CENPE: variants seen among roughly 807,000 people sequenced by gnomAD.
CENPE encodes the protein centromere protein E.
In CENPE, 145 loss-of-function variants were observed where a neutral mutation model predicts 336.1. The observed-to-expected ratio is 0.43, with a 90% CI of 0.38 to 0.50. The LOEUF (loss-of-function observed/expected upper bound fraction) is 0.50. Among genes scored for constraint, CENPE ranks in the 20% least tolerant of loss-of-function variants. The pLI, the probability that CENPE is intolerant of heterozygous loss-of-function variation, is 0.00. For missense variants in CENPE, 2,719 were observed against 3,023.3 expected (o/e 0.90, Z 2.36); for synonymous variants, 1,013 against 984.8 (o/e 1.03, Z -0.54).
At chr4:103,127,426 C>T (rs76551829) in intron 42 of CENPE, among the ~76,000 whole-genome samples, 1,605 of 152,076 alleles carry the variant, frequency 0.011, 33 homozygotes, top group African/African-American at 0.037. Context: ...TGTCAGTAGA[C>T]TGGTCTTGCA....
At chr4:103,193,383 G>A (rs1218288703) in intron 8 of CENPE, among the ~76,000 whole-genome samples, 1 of 151,990 alleles carries the variant, frequency 6.6e-6, no homozygotes, top group African/African-American at 2.4e-5. Context: ...TGAATATTAA[G>A]TAATTAATAA....
Position 103,144,499 on chromosome 4 carries a change from G to A in CENPE, c.4977C>T (p.Asn1659=). ...LKEQFETQKL[N]LENIETENIR... ...TATTCTCCGTTTCTATGTTTTCCAG[G>A]TTTAACTTCTGGGTCTCAAATTGCT... The change falls in exon 33 of 49, where the codon AAC becomes AAT. Residue 1659 remains asparagine (N), a synonymous_variant. Coordinates refer to ENST00000265148, the MANE Select transcript of CENPE (RefSeq NM_001813.3). 8.1e-6 allele frequency: 13 copies of A among 1,613,930 alleles called. No homozygotes were observed. The highest frequency in any genetic ancestry group is 1.1e-5 in the Non-Finnish European group (13 of 1,179,992).
chr4:103,132,634 G>A (rs1184669513), intron 42 of CENPE, 59 bp downstream of exon 42: 2 of 810,932 alleles, frequency 2.5e-6, no homozygotes, highest in Non-Finnish European at 3.9e-6. Flanking sequence ...TTAAGAATGA[G>A]GTAGGACAAT....
Position 103,138,425 on chromosome 4 carries a change from G to A in CENPE, c.6229C>T (p.Pro2077Ser), listed in dbSNP as rs368889294. 1 of 1,613,400 alleles carries A rather than the reference G, an allele frequency of 6.2e-7. No homozygotes were observed. The highest frequency in any genetic ancestry group is 8.5e-7 in the Non-Finnish European group (1 of 1,179,506). ...ARDRQNHQVK[P>S]EKRLLSDGQQ... ...CCATCACTTAGTAACCTTTTTTCAG[G>A]TTTTACTTGGTGGTTCTGTCGGTCC... The change falls in exon 39 of 49, where the codon CCT (proline) becomes TCT (serine). Residue 2077 changes from proline (P) to serine (S), a missense_variant. Physicochemically the swap from Pro to Ser is moderately conservative, Grantham distance 74. Around this residue, in one of 5 missense-constraint regions of CENPE, gnomAD observed 2,437 missense variants for 2,513.3 expected, o/e 0.97. Coordinates refer to ENST00000265148, the MANE Select transcript of CENPE (RefSeq NM_001813.3).
In CENPE at chr4:103,161,476, G is replaced by C; in HGVS notation, c.1843-19C>G. The stretch of plus-strand genomic sequence containing the variant: ...TGCTTTCCTAGACAGATGACAAAAG[G>C]GGTTCACTGAAATCTAATTTTCACA... On this transcript the variant is annotated intron_variant, in intron 18 of 48. Transcript: ENST00000265148. 1 of 1,539,370 alleles carries C rather than the reference G, an allele frequency of 6.5e-7. No individual in the cohort carries two copies. The highest frequency in any genetic ancestry group is 8.7e-7 in the Non-Finnish European group (1 of 1,149,170).
chr4:103,196,926 C>G, intron 1 of CENPE, 76 bp from the exon 2 acceptor site: 1 of 725,606 alleles, frequency 1.4e-6, no homozygotes, highest in Non-Finnish European at 2.4e-6. Flanking sequence ...AAAGATTTCA[C>G]CTGCTAAAGA....
At chr4:103,188,622 C>T (rs571940127) in intron 8 of CENPE, among the ~76,000 whole-genome samples, 1 of 152,258 alleles carries the variant, frequency 6.6e-6, no homozygotes, top group Admixed American at 6.5e-5. Flanking sequence ...ATACCAGAAT[C>T]TCTGGGACAC....
intron 41 of CENPE, 70 bp from the exon 42 acceptor site, chr4:103,132,966 A>ATATATATATATATTT: frequency 5.3e-6 from 1 of 188,778 alleles, no homozygotes; most frequent in Non-Finnish European, 1.0e-5. Flanking sequence ...TTATTTATAT[A>ATATATATATATATTT]TATATATATA....
Position 103,142,763 on chromosome 4 carries a change from A to G in CENPE, c.5304+485T>C, listed in dbSNP as rs910753115. On this transcript the variant is annotated intron_variant, in intron 34 of 48. Coordinates refer to ENST00000265148, the MANE Select transcript of CENPE (RefSeq NM_001813.3). ...GGCGGCTCATGCCTGTAATCCCAGCACTTTGGGAGGCCGAGGCGGGTGGAT... is the reference window on the plus strand; with the variant it reads ...GGCGGCTCATGCCTGTAATCCCAGCGCTTTGGGAGGCCGAGGCGGGTGGAT... 4.6e-5 allele frequency among the ~76,000 whole-genome samples: 7 copies of G among 152,268 alleles called. No individual in the cohort carries two copies. The South Asian group carries it at 1.5e-3, about 32-fold the overall frequency.
chr4:103,196,970 AG>A, intron 1 of CENPE, 120 bp from the exon 2 acceptor site: 1 of 656,946 alleles, frequency 1.5e-6, no homozygotes, highest in East Asian at 2.8e-5. Flanking sequence ...AGAGAATGAC[AG>A]AAAGTCCATC....
chr4:103,148,514 G>A (rs1273011058), intron 28 of CENPE, among the ~76,000 whole-genome samples: 1 of 152,184 alleles, frequency 6.6e-6, no homozygotes, highest in African/African-American at 2.4e-5. Flanking sequence ...GCATGGAGTA[G>A]GCTTTTAATA....
chr4:103,180,495 TTAA>T, intron 12 of CENPE, 26 bp from the exon 13 acceptor site: 2 of 1,530,692 alleles, frequency 1.3e-6, no homozygotes, highest in South Asian at 1.3e-5. Flanking sequence ...TTGGATTATG[TTAA>T]TAATAAATGT....
At chr4:103,119,242 C>T (rs540653776) in intron 44 of CENPE, among the ~76,000 whole-genome samples, 1 of 152,216 alleles carries the variant, frequency 6.6e-6, no homozygotes, top group South Asian at 2.1e-4. Context: ...TCTCCTTCAA[C>T]TAGAATGTAA....
At chr4:103,164,963 G>C (rs924750363) in intron 16 of CENPE, among the ~76,000 whole-genome samples, 4 of 151,906 alleles carry the variant, frequency 2.6e-5, no homozygotes, top group Admixed American at 2.0e-4. Flanking sequence ...GTGCATTCAG[G>C]GTAGTATGGC....
intron 47 of CENPE, among the ~76,000 whole-genome samples, chr4:103,109,469 C>T (rs1749198741): frequency 6.6e-6 from 1 of 152,072 alleles, no homozygotes; most frequent in Non-Finnish European, 1.5e-5. Flanking sequence ...TTTGATGTAC[C>T]TTTCTTACTG....
At chr4:103,195,847 A>C (rs1288816075) in intron 4 of CENPE, 73 bp downstream of exon 4, 1 of 875,142 alleles carries the variant, frequency 1.1e-6, no homozygotes, top group African/African-American at 1.7e-5. Context: ...TTACAAGAGA[A>C]ATACACTAAG....
chr4:103,128,387 G>A (rs1285699743), intron 42 of CENPE, among the ~76,000 whole-genome samples: 1 of 152,098 alleles, frequency 6.6e-6, no homozygotes, highest in Non-Finnish European at 1.5e-5. Flanking sequence ...GGAAGGACAT[G>A]GTTGAATTTA....
Position 103,158,397 on chromosome 4 carries a change from G to A in CENPE, c.2936C>T (p.Thr979Ile). The A allele has an allele frequency of 1.2e-6, 2 of 1,606,698 alleles. No individual in the cohort carries two copies. Among genetic ancestry groups the A allele is most frequent in the Non-Finnish European group, 8.5e-7 (1 of 1,176,488 alleles). The change falls in exon 24 of 49, where the codon ACA becomes ATA. Residue 979 changes from threonine (T) to isoleucine (I), a missense_variant. By Grantham distance (89) the Thr-to-Ile change is moderately conservative (BLOSUM62 -1). Transcript: ENST00000265148. ...AATTTTCGATTTTAGTGTATTAATT[G>A]TTTCTTGATGTTGTTTCAGAGACTC... ...ALESLKQHQE[T>I]INTLKSKISE...
intron 16 of CENPE, among the ~76,000 whole-genome samples, chr4:103,163,937 G>A (rs1299931289): frequency 1.3e-5 from 2 of 152,088 alleles, no homozygotes; most frequent in African/African-American, 4.8e-5. Flanking sequence ...TTTTCAGTCA[G>A]TTAAGTACAG....
Sources: gnomAD v4.1 joint callset for allele counts (sites outside exome capture counted in the v4.1 genomes callset) on GRCh38, gnomAD v4.1.1 for gene constraint, gnomAD v4.1.1 regional missense constraint, MANE v1.5 for transcripts, NCBI Gene and HGNC (gene_info 2026-07-23, HGNC 2026-07-21) for gene names.